DHX30: variants seen among roughly 807,000 people sequenced by gnomAD.
DHX30 encodes DExH-box helicase 30, also known as ATP-dependent RNA helicase DHX30.
In DHX30, 4 loss-of-function variants were observed where a neutral mutation model predicts 116.9. That is an observed-to-expected ratio of 0.03 (90% CI 0.02 to 0.08). The LOEUF (loss-of-function observed/expected upper bound fraction) is 0.08, where lower values mean the gene tolerates loss of function less well. Among genes scored for constraint, DHX30 ranks in the 10% least tolerant of loss-of-function variants. The pLI is 1.00. For missense variants in DHX30, 871 were observed against 1,595.1 expected (o/e 0.55, Z 7.73); for synonymous variants, 697 against 651.7 (o/e 1.07, Z -1.06).
At chr3:47,823,996 CTTTTT>C (rs759550719) in intron 4 of DHX30, among the ~76,000 whole-genome samples, 7 of 100,380 alleles carry the variant, frequency 7.0e-5, no homozygotes, top group Middle Eastern at 9.1e-3. Flanking sequence ...TTTTCTTTTC[CTTTTT>C]TTTTTTTTTT....
At chr3:47,844,737 T>A (rs989665118) in intron 9 of DHX30, among the ~76,000 whole-genome samples, 2 of 152,248 alleles carry the variant, frequency 1.3e-5, no homozygotes, top group Non-Finnish European at 2.9e-5. Flanking sequence ...TTTACCCATG[T>A]GCGTGAGGTA....
At position 47,843,276 on chromosome 3, in the gene DHX30, G is replaced by A; in HGVS notation, c.939+21G>A. On this transcript the variant is annotated intron_variant, in intron 9 of 21. Transcript: ENST00000445061. Reference sequence around the variant, plus strand: ...TGAAGGTGAGTCCAGGAAGGTCCTGGGTGTGGTGCATGAGAATGTCTTGAA... The same window carrying A: ...TGAAGGTGAGTCCAGGAAGGTCCTGAGTGTGGTGCATGAGAATGTCTTGAA... 4.3e-6 allele frequency: 7 copies of A among 1,613,810 alleles called. 1 individual carries two copies. The highest frequency in any genetic ancestry group is 1.3e-5 in the African/African-American group (1 of 75,048).
In DHX30 at chr3:47,848,663, A is replaced by G; in HGVS notation, c.2615A>G (p.Gln872Arg). 1 of 1,614,032 alleles carries G rather than the reference A, an allele frequency of 6.2e-7. No homozygotes were observed. The highest frequency in any genetic ancestry group is 1.1e-5 in the South Asian group (1 of 91,086). The change falls in exon 17 of 22, where the codon CAG (glutamine) becomes CGG (arginine). Residue 872 changes from glutamine to arginine, a missense_variant. Gln to Arg is a conservative substitution (Grantham distance 43). Coordinates refer to ENST00000445061, the MANE Select transcript of DHX30 (RefSeq NM_138615.3). The surrounding 1 kb of genome is among the most constrained non-coding windows in gnomAD (Gnocchi z 9.4). Reference protein sequence around the residue: ...DQREYLTTLGQRLAHISTDPR... With the variant: ...DQREYLTTLGRRLAHISTDPR... ...CGGGAGTACCTGACTACCCTGGGGC[A>G]GCGCCTGGCTCACATCTCCACCGAC...
In DHX30 at chr3:47,847,641, CTG is replaced by C; in HGVS notation, c.2110+108_2110+109del. On this transcript the variant is annotated intron_variant, in intron 13 of 21. Transcript: ENST00000445061. This position sits in a 1 kb window ranked among gnomAD's most constrained non-coding sequence, Gnocchi z 5.5. Reference sequence around the variant, plus strand: ...CCAGGGGCCCCGGTTTCTGACCAAGCTGTGGCACTTTTCACTGGGCATAGTGT... The same window carrying C: ...CCAGGGGCCCCGGTTTCTGACCAAGCTGGCACTTTTCACTGGGCATAGTGT... The C allele has an allele frequency of 1.4e-6, 2 of 1,455,426 alleles. No individual in the cohort carries two copies. The highest frequency in any genetic ancestry group is 1.8e-6 in the Non-Finnish European group (2 of 1,084,940). 90.2% of individuals were successfully genotyped at this position (1,455,426 alleles called of 1,614,324 possible). A position where few individuals can be genotyped will look rare whatever the true frequency, so the allele number is the denominator to read the frequency against.
intron 4 of DHX30, chr3:47,819,350 G>T: frequency 8.2e-7 from 1 of 1,220,690 alleles, no homozygotes. Context: ...GCTAGGCAGT[G>T]CCTTCTTGAG....
intron 4 of DHX30, 106 bp downstream of exon 4, chr3:47,818,223 G>A (rs2036145516): frequency 4.4e-6 from 3 of 689,600 alleles, no homozygotes; most frequent in Non-Finnish European, 5.3e-6. Flanking sequence ...CAGAAAGTGA[G>A]TGAGGAAGGG....
At chr3:47,842,327 A>G (rs918066420) in intron 8 of DHX30, 7 of 152,910 alleles carry the variant, frequency 4.6e-5, no homozygotes, top group Non-Finnish European at 8.7e-5. Context: ...ACGAACACCA[A>G]CAATATATGA....
chr3:47,813,891 CTTTTTTTTTT>C (rs71070233), intron 3 of DHX30, among the ~76,000 whole-genome samples: 1 of 80,592 alleles, frequency 1.2e-5, no homozygotes, highest in African/African-American at 4.9e-5. Context: ...TCATCCTGGG[CTTTTTTTTTT>C]TTTTTTTTTT....
intron 21 of DHX30, 28 bp downstream of exon 21, chr3:47,849,797 C>T: frequency 6.2e-7 from 1 of 1,608,118 alleles, no homozygotes; most frequent in Non-Finnish European, 8.5e-7. Flanking sequence ...TCCCGCCCAC[C>T]CCGCTCTGCA....
Position 47,846,614 on chromosome 3 carries a change from T to G in DHX30, c.1542T>G (p.Asn514Lys), listed in dbSNP as rs761631678. Residue 514 changes from asparagine (N) to lysine (K), a missense_variant, in exon 11 of 22, where the codon AAT (asparagine) becomes AAG (lysine). By Grantham distance (94) the Asn-to-Lys change is moderately conservative. Around this residue, in one of 13 missense-constraint regions of DHX30, gnomAD observed 63 missense variants for 180.6 expected, o/e 0.35. Transcript: ENST00000445061. Reference protein sequence around the residue: ...SHELGPSLRRNVGFQVRLESK... With the variant: ...SHELGPSLRRKVGFQVRLESK... ...AACTGGGCCCCTCCCTGCGCCGGAA[T>G]GTGGGCTTCCAGGTGCGGTTGGAAA... is the stretch of plus-strand genomic sequence containing the variant. 1 of 1,614,134 alleles carries G rather than the reference T, an allele frequency of 6.2e-7. No individual in the cohort carries two copies. The highest frequency in any genetic ancestry group is 8.5e-7 in the Non-Finnish European group (1 of 1,180,028).
intron 7 of DHX30, 98 bp downstream of exon 7, chr3:47,841,276 C>T (rs2037364182): frequency 1.3e-6 from 2 of 1,495,588 alleles, no homozygotes; most frequent in Non-Finnish European, 1.8e-6. Context: ...TGGGAGCGCC[C>T]CTGCCTCACA....
intron 4 of DHX30, among the ~76,000 whole-genome samples, chr3:47,820,476 T>C (rs968089842): frequency 2.6e-5 from 4 of 152,128 alleles, no homozygotes; most frequent in Admixed American, 2.6e-4. Context: ...GTGTAATATA[T>C]GTATATATGG....
At chr3:47,829,817 TCTTA>T (rs1046032130) in intron 6 of DHX30, among the ~76,000 whole-genome samples, 1 of 152,048 alleles carries the variant, frequency 6.6e-6, no homozygotes, top group South Asian at 2.1e-4. Context: ...TGTAGTCCTG[TCTTA>T]CTTTTTTTAA....
At position 47,841,662 on chromosome 3, in the gene DHX30, T is replaced by C; in HGVS notation, c.714T>C (p.Ala238=). The change falls in exon 8 of 22, where the codon GCT becomes GCC. Residue 238 remains alanine (A), a synonymous_variant. Coordinates refer to ENST00000445061, the MANE Select transcript of DHX30 (RefSeq NM_138615.3). ...EMTDDDSAIR[A]LTQFPLPKNL... is the part of the protein sequence containing the mutation. ...CAGATGACGACAGTGCCATTAGGGC[T>C]CTGACCCAGTTTCCACTTCCCAAGA... 1.2e-6 allele frequency: 2 copies of C among 1,614,270 alleles called. No individual in the cohort carries two copies. Among genetic ancestry groups the C allele is most frequent in the South Asian group, 2.2e-5 (2 of 91,092 alleles).
intron 3 of DHX30, among the ~76,000 whole-genome samples, 189 bp from the exon 4 acceptor site, chr3:47,817,833 A>G (rs2036126500): frequency 6.6e-6 from 1 of 152,168 alleles, no homozygotes; most frequent in South Asian, 2.1e-4. Flanking sequence ...ATCACATCAT[A>G]TGAGACGCTT....
At chr3:47,843,345 T>A (rs1298083399) in intron 9 of DHX30, 90 bp downstream of exon 9, 37 of 1,546,000 alleles carry the variant, frequency 2.4e-5, no homozygotes, top group Non-Finnish European at 3.1e-5. Flanking sequence ...TTCTAGGAAA[T>A]GAAACCACCA....
chr3:47,811,540 T>C (rs2035789803), intron 3 of DHX30, among the ~76,000 whole-genome samples: 1 of 152,108 alleles, frequency 6.6e-6, no homozygotes, highest in Admixed American at 6.6e-5. Flanking sequence ...ATTAGGCTGT[T>C]CTTGCATTGG....
intron 6 of DHX30, among the ~76,000 whole-genome samples, chr3:47,832,893 C>T (rs1371225604): frequency 1.3e-5 from 2 of 151,692 alleles, no homozygotes; most frequent in East Asian, 3.9e-4. Context: ...CCTGCCTTGG[C>T]CTCCCAAAGT....
chr3:47,848,039 A>G lies in DHX30; in HGVS notation c.2286+83A>G. The G allele has an allele frequency of 6.3e-7, 1 of 1,591,546 alleles. No individual in the cohort carries two copies. The highest frequency in any genetic ancestry group is 1.1e-5 in the South Asian group (1 of 88,260). ...GGTCCCCAGCCCAGATCTACCTTAG[A>G]CCTGCTTTGTGTGTCTTCAGAAGGC... On this transcript the variant is annotated intron_variant, in intron 14 of 21. Coordinates refer to ENST00000445061, the MANE Select transcript of DHX30 (RefSeq NM_138615.3). This position sits in a 1 kb window ranked among gnomAD's most constrained non-coding sequence, Gnocchi z 9.4.
Sources: gnomAD v4.1 joint callset for allele counts (sites outside exome capture counted in the v4.1 genomes callset) on GRCh38, gnomAD v4.1.1 for gene constraint, gnomAD v4.1.1 regional missense constraint, Gnocchi (gnomAD v3.1) non-coding constraint, MANE v1.5 for transcripts, NCBI Gene and HGNC (gene_info 2026-07-23, HGNC 2026-07-21) for gene names.